Variants in SNX17 observed in about 807,000 individuals in gnomAD.
The protein encoded by SNX17 is sorting nexin 17, also known as sorting nexin-17.
A neutral mutation model predicts 64.3 loss-of-function variants in SNX17; 35 were observed. The ratio of observed to expected loss-of-function variants is 0.54; its 90% CI spans 0.42 to 0.72. The LOEUF is 0.72. Ranked by LOEUF, SNX17 falls within the 30% of genes least tolerant of loss-of-function variation. The pLI, the probability that SNX17 is intolerant of heterozygous loss-of-function variation, is 0.00. For missense variants in SNX17, 538 were observed against 610.0 expected (o/e 0.88, Z 1.24); for synonymous variants, 259 against 230.2 (o/e 1.13, Z -1.13).
rs1683111466 is a variant in SNX17 at position 27,375,551 on chromosome 2, T to TTA, written c.821_822insAT (p.Phe274LeufsTer18). The TTA allele has an allele frequency of 1.2e-6, 2 of 1,614,090 alleles. No individual in the cohort carries two copies. The highest frequency in any genetic ancestry group is 1.7e-6 in the Non-Finnish European group (2 of 1,180,046). ...GCTGCGGCACTATGGCTACTTGCGC[T>TTA]TTGATGCCTGTGTGGCTGACTTCCC... On this transcript the variant is annotated frameshift_variant, in exon 10 of 15. Coordinates refer to ENST00000233575, the MANE Select transcript of SNX17 (RefSeq NM_014748.4). LOFTEE classifies it high-confidence loss of function. This position sits in a 1 kb window ranked among gnomAD's most constrained non-coding sequence, Gnocchi z 4.1.
rs1282829166 is a variant in SNX17, at chr2:27,377,247, T to A, written c.*528T>A. On this transcript the variant is annotated 3_prime_UTR_variant, in exon 15 of 15. Transcript: ENST00000233575. The surrounding 1 kb of genome is among the most constrained non-coding windows in gnomAD (Gnocchi z 4.4). ...GCATAGACATGGCTTTGTTAGTGTT[T>A]CCTTTATTATAAAGCACTGAAATAA... is the stretch of plus-strand genomic sequence containing the variant. 1 of 564,254 alleles carries A rather than the reference T, an allele frequency of 1.8e-6. No individual in the cohort carries two copies. Among genetic ancestry groups the A allele is most frequent in the Non-Finnish European group, 3.2e-6 (1 of 313,414 alleles). The allele number at this position is 564,254 out of a possible 1,614,324, so 35.0% of individuals were successfully genotyped here. A position where few individuals can be genotyped will look rare whatever the true frequency, so the allele number is the denominator to read the frequency against.
intron 2 of SNX17, 62 bp downstream of exon 2, chr2:27,371,405 GTC>G: frequency 6.4e-7 from 1 of 1,558,400 alleles, no homozygotes; most frequent in East Asian, 2.3e-5. Flanking sequence ...GGACATCAGT[GTC>G]TCCCTTTACC....
rs13472 is a variant in SNX17, at chr2:27,377,372, G to A, written c.*653G>A. On this transcript the variant is annotated 3_prime_UTR_variant, in exon 15 of 15. Coordinates refer to ENST00000233575, the MANE Select transcript of SNX17 (RefSeq NM_014748.4). The surrounding 1 kb of genome is among the most constrained non-coding windows in gnomAD (Gnocchi z 4.4). ...ATACAGGGCCCTTCTCACTGAGCTC[G>A]TGAAGTGCCTCAGTCAAGGCAAGGT... The A allele has an allele frequency of 0.37, 278,478 of 745,638 alleles. 54,467 individuals carry two copies. The highest frequency in any genetic ancestry group is 0.5 in the Admixed American group (25,007 of 50,042). The allele number at this position is 745,638 out of a possible 1,614,324, so 46.2% of individuals were successfully genotyped here.
In SNX17 at chr2:27,374,520, A is replaced by G. The variant is rs1459310069; in HGVS notation, c.611+87A>G. The G allele has an allele frequency of 1.2e-5, 16 of 1,355,718 alleles. No homozygotes were observed. The Admixed American group carries it at 2.2e-4, about 19-fold the overall frequency. 84.0% of individuals were successfully genotyped at this position (1,355,718 alleles called of 1,614,324 possible). ...CACATATTGAGACAGAATAATCTGG[A>G]CAAGGGGGTGTAGTGCTGGGTGTTT... is the stretch of plus-strand genomic sequence containing the variant. On this transcript the variant is annotated intron_variant, in intron 7 of 14. Coordinates refer to ENST00000233575, the MANE Select transcript of SNX17 (RefSeq NM_014748.4).
chr2:27,376,263 AGG>A, intron 12 of SNX17, 48 bp from the exon 13 acceptor site: 1 of 1,612,066 alleles, frequency 6.2e-7, no homozygotes, highest in Non-Finnish European at 8.5e-7. Context: ...TTGTCTTGAG[AGG>A]GAGGGGAAGT....
At chr2:27,374,287 C>T (rs1682939802) in intron 6 of SNX17, 59 bp from the exon 7 acceptor site, 9 of 1,383,668 alleles carry the variant, frequency 6.5e-6, no homozygotes, top group Non-Finnish European at 9.2e-6. Context: ...GCACTTCTTT[C>T]TTGATTTCCC....
At chr2:27,372,913 A>T in intron 3 of SNX17, 173 bp downstream of exon 3, 2 of 1,236,804 alleles carry the variant, frequency 1.6e-6, no homozygotes, top group South Asian at 1.3e-5. Flanking sequence ...AACTCTGTGT[A>T]CTAGCAAAAC....
At chr2:27,373,804 A>C (rs1682879692) in intron 4 of SNX17, 57 bp from the exon 5 acceptor site, 1 of 1,284,740 alleles carries the variant, frequency 7.8e-7, no homozygotes, top group Non-Finnish European at 1.1e-6. Context: ...AGAGTTGGGC[A>C]TAGGTCAAGG....
Position 27,375,035 on chromosome 2 carries a change from C to G in SNX17, c.682-26C>G, listed in dbSNP as rs1683030660. Reference sequence around the variant, plus strand: ...TTGGATTGCTGACTGGGACCTCCTACTGCCTGCCCCTTGTCTCTACTATAG... The same window carrying G: ...TTGGATTGCTGACTGGGACCTCCTAGTGCCTGCCCCTTGTCTCTACTATAG... On this transcript the variant is annotated intron_variant, in intron 8 of 14. Transcript: ENST00000233575. This position sits in a 1 kb window ranked among gnomAD's most constrained non-coding sequence, Gnocchi z 4.1. The G allele has an allele frequency of 8.7e-6, 14 of 1,603,518 alleles. No individual in the cohort carries two copies. The highest frequency in any genetic ancestry group is 1.2e-5 in the Non-Finnish European group (14 of 1,170,418).
At position 27,375,968 on chromosome 2, in the gene SNX17, C is replaced by T; in HGVS notation, c.1101C>T (p.Pro367=). ...DRLQWVTITS[P]QAIMMSICLQ... ...TACAGTGGGTCACCATCACTAGCCCCCAGGTGTGAACCTACCCTCAGCCCT... is the reference window on the plus strand; with the variant it reads ...TACAGTGGGTCACCATCACTAGCCCTCAGGTGTGAACCTACCCTCAGCCCT... Residue 367 remains proline (P), a synonymous_variant, in exon 11 of 15, where the codon CCC becomes CCT. Transcript: ENST00000233575. This position sits in a 1 kb window ranked among gnomAD's most constrained non-coding sequence, Gnocchi z 4.1. 6.2e-7 allele frequency: 1 copy of T among 1,614,124 alleles called. No homozygotes were observed. The highest frequency in any genetic ancestry group is 8.5e-7 in the Non-Finnish European group (1 of 1,180,002).
At chr2:27,373,778 CA>C (rs1173285792) in intron 4 of SNX17, 82 bp from the exon 5 acceptor site, 1 of 921,354 alleles carries the variant, frequency 1.1e-6, no homozygotes, top group Non-Finnish European at 1.8e-6. Flanking sequence ...TAAAGACACA[CA>C]AGGGACCTAG....
At chr2:27,373,438 C>T in intron 4 of SNX17, 127 bp downstream of exon 4, 1 of 901,088 alleles carries the variant, frequency 1.1e-6, no homozygotes, top group Non-Finnish European at 1.7e-6. Flanking sequence ...TCTCAGCTCA[C>T]TGCAATCTCC....
chr2:27,376,247 T>G, intron 12 of SNX17, 64 bp downstream of exon 12: 1 of 1,612,758 alleles, frequency 6.2e-7, no homozygotes, highest in Middle Eastern at 1.7e-4. Context: ...GTCCTAGATG[T>G]GAGGCTTGTC....
At position 27,377,514 on chromosome 2, in the gene SNX17, C is replaced by G. The variant is rs1683377685; in HGVS notation, c.*795C>G. ...GAGAAAAAGGTGGCTTCTGGTCCGT[C>G]TGTATAAAACATGGGGAAGAAGGAC... On this transcript the variant is annotated 3_prime_UTR_variant, in exon 15 of 15. Transcript: ENST00000233575. The surrounding 1 kb of genome is among the most constrained non-coding windows in gnomAD (Gnocchi z 4.4). 3 of 1,611,868 alleles carry G rather than the reference C, an allele frequency of 1.9e-6. No homozygotes were observed. The highest frequency in any genetic ancestry group is 3.3e-4 in the Middle Eastern group (2 of 6,058).
chr2:27,374,011 T>G, intron 5 of SNX17, 40 bp downstream of exon 5: 1 of 1,608,094 alleles, frequency 6.2e-7, no homozygotes, highest in Non-Finnish European at 8.5e-7. Context: ...TTCCCCTACA[T>G]CCTGGGGTCC....
intron 12 of SNX17, 53 bp from the exon 13 acceptor site, chr2:27,376,259 TG>T: frequency 6.2e-7 from 1 of 1,612,516 alleles, no homozygotes; most frequent in Non-Finnish European, 8.5e-7. Flanking sequence ...AGGCTTGTCT[TG>T]AGAGGGAGGG....
At position 27,376,518 on chromosome 2, in the gene SNX17, T is replaced by C. The variant is rs1558308086; in HGVS notation, c.1297T>C (p.Ser433Pro). The change falls in exon 14 of 15, where the codon TCA (serine) becomes CCA (proline). Residue 433 changes from serine to proline, a missense_variant and splice_region_variant. Ser to Pro is a moderately conservative substitution (Grantham distance 74). Coordinates refer to ENST00000233575, the MANE Select transcript of SNX17 (RefSeq NM_014748.4). ...CACCCGGGAGTCTATGGTCAAACTC[T>C]CAGTGAGTTCCAGCGTTGGTGAGGT... ...DATRESMVKL[S>P]SKLSAVSLRG... 2.5e-6 allele frequency: 4 copies of C among 1,614,148 alleles called. No individual in the cohort carries two copies. Among genetic ancestry groups the C allele is most frequent in the Non-Finnish European group, 3.4e-6 (4 of 1,180,036 alleles).
rs1234827292 is a variant in SNX17, at chr2:27,371,358, C to G, written c.138+15C>G. ...TGCACGAGCAGGTGGGACTAGCACC[C>G]CTGCCTTGAGACAGCTTCAAGCCCT... On this transcript the variant is annotated intron_variant, in intron 2 of 14. Transcript: ENST00000233575. 1 of 1,605,988 alleles carries G rather than the reference C, an allele frequency of 6.2e-7. No individual in the cohort carries two copies. Among genetic ancestry groups the G allele is most frequent in the Non-Finnish European group, 8.5e-7 (1 of 1,177,664 alleles).
In SNX17 at chr2:27,376,340, C is replaced by CT; in HGVS notation, c.1211dup (p.Arg405GlufsTer16). 1 of 1,612,614 alleles carries CT rather than the reference C, an allele frequency of 6.2e-7. No individual in the cohort carries two copies. Among genetic ancestry groups the CT allele is most frequent in the Non-Finnish European group, 8.5e-7 (1 of 1,178,958 alleles). The stretch of plus-strand genomic sequence containing the variant: ...GCTGCGCCGGCGGGTGGGGGGTACT[C>CT]TGAGACGCTCAGACAGCCAGCAAGC... On this transcript the variant is annotated frameshift_variant, in exon 13 of 15. Coordinates refer to ENST00000233575, the MANE Select transcript of SNX17 (RefSeq NM_014748.4). LOFTEE classifies it high-confidence loss of function.
Sources: gnomAD v4.1 joint callset for allele counts on GRCh38, gnomAD v4.1.1 for gene constraint, Gnocchi (gnomAD v3.1) non-coding constraint, MANE v1.5 for transcripts, NCBI Gene and HGNC (gene_info 2026-07-23, HGNC 2026-07-21) for gene names.